Variants in AKNA observed in about 807,000 individuals in gnomAD.
The protein encoded by AKNA is AT-hook transcription factor.
In AKNA, 67 loss-of-function variants were observed where a neutral mutation model predicts 138.8. The ratio of observed to expected loss-of-function variants is 0.48; its 90% CI spans 0.40 to 0.59. The LOEUF (loss-of-function observed/expected upper bound fraction) is 0.59. Ranked by LOEUF, AKNA falls within the 20% of genes least tolerant of loss-of-function variation. The probability of loss-of-function intolerance (pLI) is 0.00; values close to 1 mark genes in which losing one functional copy is unlikely to be tolerated. For missense variants in AKNA, 1,813 were observed against 1,880.4 expected (o/e 0.96, Z 0.66); for synonymous variants, 737 against 754.4 (o/e 0.98, Z 0.38).
At chr9:114,383,644 G>A (rs1359301040) in intron 1 of AKNA, among the ~76,000 whole-genome samples, 1 of 152,216 alleles carries the variant, frequency 6.6e-6, no homozygotes, top group Non-Finnish European at 1.5e-5. Flanking sequence ...GTTGAAGGCA[G>A]TATGACTCCA....
chr9:114,350,936 G>A lies in AKNA; in HGVS notation c.3144C>T (p.Pro1048=), dbSNP rs144860883. The change falls in exon 15 of 22, where the codon CCC becomes CCT. Residue 1048 remains proline, a synonymous_variant. Transcript: ENST00000374088. The part of the protein sequence containing the change: ...PNKTISPPPA[P]APAAAPLPCG... ...AGGGTAGAGGCGCAGCGGCAGGGGC[G>A]GGGGCTGGGGGTGGGCTGATTGTCT... is the stretch of plus-strand genomic sequence containing the variant. 65 of 1,611,934 alleles carry A rather than the reference G, an allele frequency of 4.0e-5. No individual in the cohort carries two copies. In the African/African-American group the frequency reaches 6.1e-4, roughly 15 times the overall value.
At position 114,337,012 on chromosome 9, in the gene AKNA, T is replaced by TTGGGG; in HGVS notation, c.*41_*42insCCCCA. The TTGGGG allele has an allele frequency of 1.6e-4, 188 of 1,207,936 alleles. No homozygotes were observed. Among genetic ancestry groups the TTGGGG allele is most frequent in the Middle Eastern group, 3.1e-4 (1 of 3,230 alleles). The allele number at this position is 1,207,936 out of a possible 1,614,324, so 74.8% of individuals were successfully genotyped here. ...CCCACTCCTGGCCTGGCAGGCCACC[T>TTGGGG]GCCCACCCACCCACCCATCTGCCTC... On this transcript the variant is annotated 3_prime_UTR_variant, in exon 22 of 22. Coordinates refer to ENST00000374088, the MANE Select transcript of AKNA (RefSeq NM_001317950.2).
chr9:114,343,960 T>C (rs1830521322), intron 18 of AKNA, 157 bp from the exon 19 acceptor site: 3 of 631,578 alleles, frequency 4.8e-6, no homozygotes, highest in Non-Finnish European at 8.4e-6. Flanking sequence ...ACACACATCA[T>C]GTGTAAAATA....
chr9:114,368,443 G>C lies in AKNA; in HGVS notation c.1569C>G (p.Ala523=). ...CAGCTCTTCTCCCGGACTCACCTGAGGCCGCAGAGGCCTGGGGGTCCTCGG... is the reference window on the plus strand; with the variant it reads ...CAGCTCTTCTCCCGGACTCACCTGACGCCGCAGAGGCCTGGGGGTCCTCGG... ...GPAEDPQASA[A]SGWPSARGDL... Residue 523 remains alanine, a synonymous_variant, in exon 5 of 22, where the codon GCC becomes GCG. Coordinates refer to ENST00000374088, the MANE Select transcript of AKNA (RefSeq NM_001317950.2). The C allele has an allele frequency of 7.6e-7, 1 of 1,319,600 alleles. No homozygotes were observed. 81.7% of individuals were successfully genotyped at this position (1,319,600 alleles called of 1,614,324 possible). A position where few individuals can be genotyped will look rare whatever the true frequency, so the allele number is the denominator to read the frequency against.
intron 13 of AKNA, 100 bp downstream of exon 13, chr9:114,356,763 C>T (rs1831527746): frequency 9.4e-7 from 1 of 1,062,892 alleles, no homozygotes; most frequent in Non-Finnish European, 1.3e-6. Context: ...TACGAATGGA[C>T]AGACCATCCT....
At position 114,359,798 on chromosome 9, in the gene AKNA, C is replaced by T. The variant is rs530082149; in HGVS notation, c.2292-4G>A. 6.2e-7 allele frequency: 1 copy of T among 1,600,748 alleles called. No individual in the cohort carries two copies. Among genetic ancestry groups the T allele is most frequent in the East Asian group, 2.2e-5 (1 of 44,710 alleles). On this transcript the variant is annotated splice_polypyrimidine_tract_variant and splice_region_variant and intron_variant, in intron 10 of 21. Coordinates refer to ENST00000374088, the MANE Select transcript of AKNA (RefSeq NM_001317950.2). ...GAGAGACTTCACACTGAGGTACCTG[C>T]AGAAGAACACACAGAGGGGCATGAC...
intron 16 of AKNA, 33 bp from the exon 17 acceptor site, chr9:114,346,817 A>T: frequency 6.3e-7 from 1 of 1,589,616 alleles, no homozygotes; most frequent in Non-Finnish European, 8.6e-7. Context: ...ATGTCATTGG[A>T]TGAGGTTTTG....
At chr9:114,397,027 C>T, upstream of AKNA, among the ~76,000 whole-genome samples, 1 of 152,218 alleles carries the variant, frequency 6.6e-6, no homozygotes, top group East Asian at 1.9e-4. Flanking sequence ...ATCCTAGCGC[C>T]TCTGGCAGAG....
chr9:114,343,198 T>C (rs1830473055), intron 19 of AKNA, among the ~76,000 whole-genome samples: 1 of 152,204 alleles, frequency 6.6e-6, no homozygotes, highest in African/African-American at 2.4e-5. Flanking sequence ...CATCAGTCAT[T>C]ATCATCACTA....
At position 114,366,394 on chromosome 9, in the gene AKNA, C is replaced by G. The variant is rs185894620; in HGVS notation, c.1728+1149G>C. Among the ~76,000 whole-genome samples the G allele has an allele frequency of 3.0e-4, 46 of 152,170 alleles. 2 individuals are homozygous for G. Among genetic ancestry groups the G allele is most frequent in the African/African-American group, 9.6e-4 (40 of 41,510 alleles). On this transcript the variant is annotated intron_variant, in intron 6 of 21. Transcript: ENST00000374088. ...GATGTCAGACACAGGACAAATATTG[C>G]GTGAATCTATTGCTATGAGACATCC...
At chr9:114,355,032 A>C (rs927907730) in intron 14 of AKNA, among the ~76,000 whole-genome samples, 4 of 150,946 alleles carry the variant, frequency 2.6e-5, no homozygotes, top group Non-Finnish European at 5.9e-5. Flanking sequence ...AAGCCACCAC[A>C]CCTGGCTAAT....
chr9:114,374,249 C>A lies in AKNA; in HGVS notation c.1342-82G>T, dbSNP rs1041852173. The A allele has an allele frequency of 7.4e-6, 10 of 1,356,418 alleles. No homozygotes were observed. The African/African-American group carries it at 1.3e-4, about 18-fold the overall frequency. The allele number at this position is 1,356,418 out of a possible 1,614,324, so 84.0% of individuals were successfully genotyped here. On this transcript the variant is annotated intron_variant, in intron 3 of 21. Transcript: ENST00000374088. ...TGCTGGGAGACCCTGATAGCAAACC[C>A]CCTTCCATAAGGGCTTCTGGGTTCC...
chr9:114,364,484 A>G lies in AKNA; in HGVS notation c.1788+76T>C, dbSNP rs566404513. The G allele has an allele frequency of 3.2e-4, 473 of 1,481,440 alleles. 2 individuals carry two copies. In the African/African-American group the frequency reaches 6.0e-3, roughly 19 times the overall value. 91.8% of individuals were successfully genotyped at this position (1,481,440 alleles called of 1,614,324 possible). A position where few individuals can be genotyped will look rare whatever the true frequency, so the allele number is the denominator to read the frequency against. On this transcript the variant is annotated intron_variant, in intron 7 of 21. Transcript: ENST00000374088. ...TTCTCTTTTCTGTCTTGCAGCAAAG[A>G]AGGCTTCAGAGACAGAGTCATGGGA...
At chr9:114,386,377 C>T (rs1272619649) in intron 1 of AKNA, among the ~76,000 whole-genome samples, 3 of 152,054 alleles carry the variant, frequency 2.0e-5, no homozygotes, top group Non-Finnish European at 4.4e-5. Flanking sequence ...TTCCAGGCAG[C>T]GGGAACAGCA....
intron 7 of AKNA, among the ~76,000 whole-genome samples, chr9:114,362,917 C>T: frequency 6.6e-6 from 1 of 151,976 alleles, no homozygotes. Context: ...GATCCTCATT[C>T]TTGATTTGCA....
chr9:114,386,009 G>A (rs1160572712), intron 1 of AKNA, among the ~76,000 whole-genome samples: 1 of 152,164 alleles, frequency 6.6e-6, no homozygotes, highest in Non-Finnish European at 1.5e-5. Flanking sequence ...CACCCTGCTA[G>A]GGTGGGTTGG....
chr9:114,390,699 C>T (rs1243899240), upstream of AKNA, among the ~76,000 whole-genome samples: 2 of 152,182 alleles, frequency 1.3e-5, no homozygotes, highest in East Asian at 3.9e-4. Context: ...ACAAGCTGGC[C>T]GCTGCTGCAG....
At position 114,336,795 on chromosome 9, in the gene AKNA, T is replaced by C; in HGVS notation, c.*259A>G. ...AGGAGAGACTGCCTGAGGTTCTGCCTGGACCGAAGGAGGCCTCGCTCACAG... is the reference window on the plus strand; with the variant it reads ...AGGAGAGACTGCCTGAGGTTCTGCCCGGACCGAAGGAGGCCTCGCTCACAG... On this transcript the variant is annotated 3_prime_UTR_variant, in exon 22 of 22. Coordinates refer to ENST00000374088, the MANE Select transcript of AKNA (RefSeq NM_001317950.2). 4.8e-6 allele frequency: 2 copies of C among 416,642 alleles called. No individual in the cohort carries two copies. The highest frequency in any genetic ancestry group is 8.4e-6 in the Non-Finnish European group (2 of 236,850). The allele number at this position is 416,642 out of a possible 1,614,324, so 25.8% of individuals were successfully genotyped here. A position where few individuals can be genotyped will look rare whatever the true frequency, so the allele number is the denominator to read the frequency against.
At chr9:114,353,444 A>T (rs1349278461) in intron 14 of AKNA, among the ~76,000 whole-genome samples, 2 of 151,944 alleles carry the variant, frequency 1.3e-5, no homozygotes, top group Non-Finnish European at 2.9e-5. Context: ...TTGTATTTTT[A>T]GTGGAGATGG....
Sources: gnomAD v4.1 joint callset for allele counts (sites outside exome capture counted in the v4.1 genomes callset) on GRCh38, gnomAD v4.1.1 for gene constraint, MANE v1.5 for transcripts, NCBI Gene and HGNC (gene_info 2026-07-23, HGNC 2026-07-21) for gene names.